The following TTC6 variants were observed in gnomAD, a reference collection of about 807,000 sequenced individuals.
TTC6 encodes the protein tetratricopeptide repeat protein 6.
A neutral mutation model predicts 210.4 loss-of-function variants in TTC6; 172 were observed. The ratio of observed to expected loss-of-function variants is 0.82; its 90% CI spans 0.72 to 0.93. The LOEUF is 0.93. TTC6 is among the 40% of genes least tolerant of loss of function. The pLI is 0.00. For missense variants in TTC6, 2,414 were observed against 2,318.1 expected (o/e 1.04, Z -0.85); for synonymous variants, 804 against 819.6 (o/e 0.98, Z 0.32).
rs1443846380 is a variant in TTC6 at position 37,598,320 on chromosome 14, G to A, written c.-235+2312G>A. 6.6e-6 allele frequency among the ~76,000 whole-genome samples: 1 copy of A among 152,158 alleles called. No individual in the cohort carries two copies. Among genetic ancestry groups the A allele is most frequent in the Non-Finnish European group, 1.5e-5 (1 of 68,032 alleles). On this transcript the variant is annotated intron_variant, in intron 1 of 2. Coordinates refer to the TTC6 transcript ENST00000556845. The surrounding 1 kb of genome is among the most constrained non-coding windows in gnomAD (Gnocchi z 4.9). The stretch of plus-strand genomic sequence containing the variant: ...GTTAAACTTGCCTGTGTTTAAGACG[G>A]GTCTGCGACAGCTTGGGGCGGTCCA...
At chr14:37,623,075 T>G in intron 1 of TTC6, 72 bp downstream of exon 3, 1 of 1,105,340 alleles carries the variant, frequency 9.0e-7, no homozygotes, top group Non-Finnish European at 1.2e-6. Context: ...GTAAGAGTAG[T>G]TTATTATGGA....
intron 27 of TTC6, 48 bp downstream of exon 29, chr14:37,824,005 G>C: frequency 1.3e-6 from 2 of 1,549,814 alleles, no homozygotes; most frequent in Non-Finnish European, 1.8e-6. Context: ...TGGGGAGAAA[G>C]AATATATTTG....
chr14:37,738,806 GAGA>G, exon 10 of TTC6: 1 of 1,518,004 alleles, frequency 6.6e-7, no homozygotes, highest in Non-Finnish European at 8.8e-7. Flanking sequence ...CTTGAGGAAG[GAGA>G]AGATCATAGC....
At chr14:37,633,111 C>A (rs1181640795) in intron 1 of TTC6, among the ~76,000 whole-genome samples, 1 of 152,126 alleles carries the variant, frequency 6.6e-6, no homozygotes, top group African/African-American at 2.4e-5. Flanking sequence ...TGGCTTCAGC[C>A]CCCTTTCTAG....
chr14:37,660,728 A>G (rs982034650), intron 1 of TTC6, among the ~76,000 whole-genome samples: 4 of 152,156 alleles, frequency 2.6e-5, no homozygotes, highest in African/African-American at 9.7e-5. Flanking sequence ...TGCTGGGTCA[A>G]ATGGTATTTC....
chr14:37,651,441 TTTTTTTTTTTTTCC>T (rs2095712740), intron 1 of TTC6, among the ~76,000 whole-genome samples: 4 of 107,380 alleles, frequency 3.7e-5, no homozygotes, highest in African/African-American at 7.5e-5. Flanking sequence ...TTTTTTTTTT[TTTTTTTTTTTTTCC>T]ATCCATGATT....
chr14:37,837,647 T>C (rs1482609893), intron 29 of TTC6: 2 of 193,702 alleles, frequency 1.0e-5, no homozygotes, highest in Non-Finnish European at 2.2e-5. Context: ...GTATGTTACA[T>C]ATTAGTTCAC....
At chr14:37,628,710 G>A (rs762981288) in intron 1 of TTC6, among the ~76,000 whole-genome samples, 4 of 152,164 alleles carry the variant, frequency 2.6e-5, no homozygotes, top group African/African-American at 9.7e-5. Context: ...GTATTGCCTA[G>A]ATTTTCTTCT....
chr14:37,597,354 A>G (rs2139197488), intron 1 of TTC6, among the ~76,000 whole-genome samples: 2 of 152,196 alleles, frequency 1.3e-5, no homozygotes, highest in South Asian at 2.1e-4. Context: ...TTGGCTCTTC[A>G]ATAACACCGA....
upstream of TTC6, chr14:37,621,945 T>G (rs2095651741): frequency 5.8e-6 from 4 of 687,500 alleles, no homozygotes. Flanking sequence ...GGTGAGGTTC[T>G]CTTATGAGAA....
chr14:37,751,854 T>G (rs1233571492), intron 13 of TTC6, among the ~76,000 whole-genome samples: 3 of 144,948 alleles, frequency 2.1e-5, no homozygotes, highest in African/African-American at 7.7e-5. Flanking sequence ...GGCAGAGTCT[T>G]GCGCTGTTGC....
chr14:37,790,838 G>T lies in TTC6; in HGVS notation c.3557+1G>T, dbSNP rs190840295. 2.0e-6 allele frequency: 3 copies of T among 1,522,822 alleles called. No individual in the cohort carries two copies. Among genetic ancestry groups the T allele is most frequent in the Non-Finnish European group, 2.6e-6 (3 of 1,143,428 alleles). 94.3% of individuals were successfully genotyped at this position (1,522,822 alleles called of 1,614,324 possible). ...TTGAAACTGTCATTTCTCTAGAAAG[G>T]TATGTTTTCCTTTTCATATTTATTG... On this transcript the variant is annotated splice_donor_variant, in intron 16 of 30. Coordinates refer to ENST00000553443, the Ensembl canonical transcript of TTC6. LOFTEE classifies it high-confidence loss of function.
At chr14:37,775,799 C>G (rs2096035475) in intron 14 of TTC6, among the ~76,000 whole-genome samples, 1 of 152,072 alleles carries the variant, frequency 6.6e-6, no homozygotes, top group African/African-American at 2.4e-5. Context: ...ATCTAGGTCT[C>G]CTATGTTGGG....
chr14:37,724,956 C>G (rs915249967), exon 7 of TTC6: 3 of 1,529,610 alleles, frequency 2.0e-6, no homozygotes, highest in Non-Finnish European at 2.6e-6. Context: ...CCTAAATTCT[C>G]TGTTCCAGAA....
rs181566041 is a variant in TTC6 at position 37,622,339 on chromosome 14, A to G, written c.275A>G (p.Glu92Gly). Reference sequence around the variant, plus strand: ...ATGTCCGCGGCCGCCCTCCTGCAGGAGGTGCTCGGAGGCGCGCCGCGTCCC... The same window carrying G: ...ATGTCCGCGGCCGCCCTCCTGCAGGGGGTGCTCGGAGGCGCGCCGCGTCCC... The change falls in exon 1 of 31, where the codon GAG becomes GGG. Residue 92 changes from glutamate to glycine, a missense_variant. Transcript: ENST00000553443. 1.6e-3 allele frequency: 2,441 copies of G among 1,531,788 alleles called. 51 individuals are homozygous for G. The Admixed American group carries it at 0.032, about 20-fold the overall frequency. The allele number at this position is 1,531,788 out of a possible 1,614,324, so 94.9% of individuals were successfully genotyped here.
chr14:37,751,042 A>G lies in TTC6; in HGVS notation c.2957-11A>G. ...TATAACTCCAAATTTTATCTTTTTA[A>G]TTTTCTTTAGAGGCATATTTGTCAA... On this transcript the variant is annotated splice_polypyrimidine_tract_variant and intron_variant, in intron 12 of 30. Transcript: ENST00000553443. The G allele has an allele frequency of 6.7e-7, 1 of 1,500,062 alleles. No individual in the cohort carries two copies. The highest frequency in any genetic ancestry group is 8.9e-7 in the Non-Finnish European group (1 of 1,127,036). The allele number at this position is 1,500,062 out of a possible 1,614,324, so 92.9% of individuals were successfully genotyped here.
At chr14:37,793,277 A>G (rs2139347086) in intron 17 of TTC6, among the ~76,000 whole-genome samples, 1 of 152,224 alleles carries the variant, frequency 6.6e-6, no homozygotes, top group East Asian at 1.9e-4. Flanking sequence ...GCTAGCTTCT[A>G]ATTGCCTTTC....
chr14:37,697,294 T>G (rs35421306), intron 4 of TTC6, among the ~76,000 whole-genome samples: 8,708 of 152,174 alleles, frequency 0.057, 382 homozygotes, highest in Non-Finnish European at 0.089. Context: ...TCATGCTTCA[T>G]CCTCACATCC....
chr14:37,599,188 G>T (rs2139205507), intron 1 of TTC6, among the ~76,000 whole-genome samples: 1 of 152,358 alleles, frequency 6.6e-6, no homozygotes, highest in African/African-American at 2.4e-5. Flanking sequence ...CCCCGCGAGA[G>T]AGAAGTATGG....
Sources: gnomAD v4.1 joint callset for allele counts (sites outside exome capture counted in the v4.1 genomes callset) on GRCh38, gnomAD v4.1.1 for gene constraint, Gnocchi (gnomAD v3.1) non-coding constraint, MANE v1.5 for transcripts, NCBI Gene and HGNC (gene_info 2026-07-23, HGNC 2026-07-21) for gene names.